Variants in CYP27B1 observed in about 807,000 individuals in gnomAD.
CYP27B1 encodes the protein cytochrome P450 family 27 subfamily B member 1.
In CYP27B1, 46 loss-of-function variants were observed where a neutral mutation model predicts 54.8. The ratio of observed to expected loss-of-function variants is 0.84; its 90% CI spans 0.66 to 1.07. The LOEUF (loss-of-function observed/expected upper bound fraction) is 1.07, where lower values mean the gene tolerates loss of function less well. Among genes scored for constraint, CYP27B1 ranks in the 50% least tolerant of loss-of-function variants. The pLI is 0.00. For missense variants in CYP27B1, 674 were observed against 692.2 expected (o/e 0.97, Z 0.30); for synonymous variants, 292 against 297.3 (o/e 0.98, Z 0.18).
rs1382628087 is a variant in CYP27B1 at position 57,762,917 on chromosome 12, G to C, written c.*225C>G. The stretch of plus-strand genomic sequence containing the variant: ...GGGGGATGCATACATGATCAGAAGG[G>C]CCAAGCAAGCAGAGAGACCATGGTT... On this transcript the variant is annotated 3_prime_UTR_variant, in exon 9 of 9. Transcript: ENST00000228606. The C allele has an allele frequency of 5.5e-6, 3 of 541,516 alleles. No homozygotes were observed. The highest frequency in any genetic ancestry group is 1.0e-5 in the Non-Finnish European group (3 of 293,106). 33.5% of individuals were successfully genotyped at this position (541,516 alleles called of 1,614,324 possible).
rs1490106961 is a variant in CYP27B1, at chr12:57,765,484, C to G, written c.402G>C (p.Trp134Cys). 2 of 1,611,226 alleles carry G rather than the reference C, an allele frequency of 1.2e-6. No individual in the cohort carries two copies. The highest frequency in any genetic ancestry group is 1.7e-6 in the Non-Finnish European group (2 of 1,178,984). ...GGGCCAGGAGACTGCGGAGCCTTTG[C>G]CATTCTTCGCCTTCCCTGCAGGGTT... Reference protein sequence around the residue: ...CGLLTAEGEEWQRLRSLLAPL... With the variant: ...CGLLTAEGEECQRLRSLLAPL... Residue 134 changes from tryptophan to cysteine, a missense_variant, in exon 3 of 9, where the codon TGG (tryptophan) becomes TGC (cysteine). Coordinates refer to ENST00000228606, the MANE Select transcript of CYP27B1 (RefSeq NM_000785.4). The surrounding 1 kb of genome is among the most constrained non-coding windows in gnomAD (Gnocchi z 5.8).
At chr12:57,766,678 T>C (rs1383974825) in intron 1 of CYP27B1, among the ~76,000 whole-genome samples, 169 bp downstream of exon 1, 1 of 152,232 alleles carries the variant, frequency 6.6e-6, no homozygotes, top group Non-Finnish European at 1.5e-5. Flanking sequence ...GGACGGGCTC[T>C]GCCCGAGTGT....
Position 57,766,217 on chromosome 12 carries a change from G to T in CYP27B1, c.196-20C>A. On this transcript the variant is annotated intron_variant, in intron 1 of 8. Transcript: ENST00000228606. ...CTGCACCTGGGGGAGCGGACACAGC[G>T]GACACTTGGATACCTGGGCGGGGAC... The T allele has an allele frequency of 6.6e-7, 1 of 1,523,072 alleles. No individual in the cohort carries two copies. The highest frequency in any genetic ancestry group is 1.7e-4 in the Middle Eastern group (1 of 5,916). The allele number at this position is 1,523,072 out of a possible 1,614,324, so 94.3% of individuals were successfully genotyped here.
At chr12:57,763,544 G>T (rs190694526) in intron 8 of CYP27B1, 67 bp downstream of exon 8, 1 of 1,376,702 alleles carries the variant, frequency 7.3e-7, no homozygotes, top group Admixed American at 1.7e-5. Flanking sequence ...TCAGGGGAAA[G>T]AGCTCACAAC....
At position 57,763,136 on chromosome 12, in the gene CYP27B1, A is replaced by G; in HGVS notation, c.*6T>C. 3 of 1,593,076 alleles carry G rather than the reference A, an allele frequency of 1.9e-6. No individual in the cohort carries two copies. The highest frequency in any genetic ancestry group is 2.2e-5 in the South Asian group (2 of 90,610). On this transcript the variant is annotated 3_prime_UTR_variant, in exon 9 of 9. Coordinates refer to ENST00000228606, the MANE Select transcript of CYP27B1 (RefSeq NM_000785.4). ...AGGGTGATGATGACAGTCTCTTTCC[A>G]TGGGACTATCTGTCCAAAAACTGTA...
intron 7 of CYP27B1, 143 bp from the exon 8 acceptor site, chr12:57,763,951 C>T (rs1955338368): frequency 2.8e-6 from 3 of 1,067,734 alleles, no homozygotes; most frequent in Non-Finnish European, 4.3e-6. Context: ...GATCTCCCCA[C>T]TGTTCCATTA....
rs1565812090 is a variant in CYP27B1, at chr12:57,766,927, C to T, written c.115G>A (p.Asp39Asn). The change falls in exon 1 of 9, where the codon GAC (aspartate) becomes AAC (asparagine). Residue 39 changes from aspartate (D) to asparagine (N), a missense_variant. Coordinates refer to ENST00000228606, the MANE Select transcript of CYP27B1 (RefSeq NM_000785.4). ...CTGGGCGTAGAGGGGCCTGGGATGT[C>T]TGCCAAGCTCCGGCGTGCTGAGTGG... ...EYHSARRSLADIPGPSTPSFL... is the reference protein window; with the variant it reads ...EYHSARRSLANIPGPSTPSFL... 2 of 1,614,200 alleles carry T rather than the reference C, an allele frequency of 1.2e-6. No homozygotes were observed. Among genetic ancestry groups the T allele is most frequent in the East Asian group, 2.2e-5 (1 of 44,880 alleles).
rs1955341474 is a variant in CYP27B1 at position 57,764,401 on chromosome 12, C to T, written c.1113G>A (p.Lys371=). Residue 371 remains lysine (K), a synonymous_variant, in exon 6 of 9, where the codon AAG becomes AAA. Transcript: ENST00000228606. The stretch of plus-strand genomic sequence containing the variant: ...ACCTTAGCACTTCCTTGACCACCGC[C>T]TTCAGCAGGGGCAGCTGGGACAGAA... ...ATVLSQLPLL[K]AVVKEVLRLY... is the part of the protein sequence containing the mutation. 1.2e-6 allele frequency: 2 copies of T among 1,614,078 alleles called. No homozygotes were observed. Among genetic ancestry groups the T allele is most frequent in the Non-Finnish European group, 1.7e-6 (2 of 1,180,054 alleles).
chr12:57,765,128 C>T lies in CYP27B1; in HGVS notation c.673G>A (p.Val225Met), dbSNP rs1332608089. The T allele has an allele frequency of 6.2e-7, 1 of 1,613,986 alleles. No individual in the cohort carries two copies. The highest frequency in any genetic ancestry group is 1.7e-5 in the Admixed American group (1 of 60,030). ...PPDTETFIRA[V>M]GSVFVSTLLT... is the part of the protein sequence containing the mutation. ...AGCGTGGACACAAACACCGAGCCCA[C>T]AGCGCGGATGAAGGTCTCCGTGTCG... Residue 225 changes from valine (V) to methionine (M), a missense_variant, in exon 4 of 9, where the codon GTG (valine) becomes ATG (methionine). Val to Met is a conservative substitution (Grantham distance 21). Coordinates refer to ENST00000228606, the MANE Select transcript of CYP27B1 (RefSeq NM_000785.4). The surrounding 1 kb of genome is among the most constrained non-coding windows in gnomAD (Gnocchi z 5.8).
rs757388190 is a variant in CYP27B1, at chr12:57,766,941, C to T, written c.101G>A (p.Arg34His). ...SLGYREYHSARRSLADIPGPS... is the reference protein window; with the variant it reads ...SLGYREYHSAHRSLADIPGPS... ...GCCTGGGATGTCTGCCAAGCTCCGG[C>T]GTGCTGAGTGGTACTCTCGGTAGCC... is the stretch of plus-strand genomic sequence containing the variant. Residue 34 changes from arginine to histidine, a missense_variant, in exon 1 of 9, where the codon CGC (arginine) becomes CAC (histidine). Arg to His is a conservative substitution (Grantham distance 29, BLOSUM62 0). Coordinates refer to ENST00000228606, the MANE Select transcript of CYP27B1 (RefSeq NM_000785.4). 1 of 1,614,172 alleles carries T rather than the reference C, an allele frequency of 6.2e-7. No individual in the cohort carries two copies. The highest frequency in any genetic ancestry group is 8.5e-7 in the Non-Finnish European group (1 of 1,180,032).
chr12:57,765,425 T>C lies in CYP27B1; in HGVS notation c.461A>G (p.Tyr154Cys), dbSNP rs574099143. The C allele has an allele frequency of 1.2e-6, 2 of 1,612,710 alleles. No individual in the cohort carries two copies. Among genetic ancestry groups the C allele is most frequent in the South Asian group, 2.2e-5 (2 of 90,798 alleles). The change falls in exon 3 of 9, where the codon TAC becomes TGC. Residue 154 changes from tyrosine (Y) to cysteine (C), a missense_variant. Transcript: ENST00000228606. The surrounding 1 kb of genome is among the most constrained non-coding windows in gnomAD (Gnocchi z 5.8). ...LLLRPQAAAR[Y>C]AGTLNNVVCD... Reference sequence around the variant, plus strand: ...GACTACGTTGTTCAGGGTTCCGGCGTAGCGGGCGGCCGCTTGAGGCCGGAG... The same window carrying C: ...GACTACGTTGTTCAGGGTTCCGGCGCAGCGGGCGGCCGCTTGAGGCCGGAG...
At position 57,766,217 on chromosome 12, in the gene CYP27B1, G is replaced by C; in HGVS notation, c.196-20C>G. On this transcript the variant is annotated intron_variant, in intron 1 of 8. Transcript: ENST00000228606. ...CTGCACCTGGGGGAGCGGACACAGC[G>C]GACACTTGGATACCTGGGCGGGGAC... The C allele has an allele frequency of 2.0e-6, 3 of 1,523,072 alleles. No homozygotes were observed. The highest frequency in any genetic ancestry group is 4.1e-5 in the Admixed American group (2 of 48,994). The allele number at this position is 1,523,072 out of a possible 1,614,324, so 94.3% of individuals were successfully genotyped here.
chr12:57,763,709 T>G lies in CYP27B1; in HGVS notation c.1315A>C (p.Thr439Pro). 1 of 1,314,930 alleles carries G rather than the reference T, an allele frequency of 7.6e-7. No homozygotes were observed. Among genetic ancestry groups the G allele is most frequent in the Non-Finnish European group, 1.1e-6 (1 of 910,468 alleles). 81.5% of individuals were successfully genotyped at this position (1,314,930 alleles called of 1,614,324 possible). The part of the protein sequence containing the change: ...RPARWLGEGP[T>P]PHPFASLPFG... The stretch of plus-strand genomic sequence containing the variant: ...GGAAGAGATGCAAATGGGTGGGGGG[T>G]GGGACCCTCCCCCAGCCAGCGAGCT... The change falls in exon 8 of 9, where the codon ACC (threonine) becomes CCC (proline). Residue 439 changes from threonine (T) to proline (P), a missense_variant. Physicochemically the swap from Thr to Pro is conservative, Grantham distance 38 (BLOSUM62 -1). Transcript: ENST00000228606.
At position 57,767,007 on chromosome 12, in the gene CYP27B1, A is replaced by G. The variant is rs1955368774; in HGVS notation, c.35T>C (p.Phe12Ser). The change falls in exon 1 of 9, where the codon TTC (phenylalanine) becomes TCC (serine). Residue 12 changes from phenylalanine to serine, a missense_variant. Coordinates refer to ENST00000228606, the MANE Select transcript of CYP27B1 (RefSeq NM_000785.4). ...CTCGGGCGCCCAGCGGACGCGATGGAACACTCTGGAGGCGTACTTGAGGGT... is the reference window on the plus strand; with the variant it reads ...CTCGGGCGCCCAGCGGACGCGATGGGACACTCTGGAGGCGTACTTGAGGGT... ...TQTLKYASRV[F>S]HRVRWAPELG... 6.2e-7 allele frequency: 1 copy of G among 1,614,160 alleles called. No individual in the cohort carries two copies. Among genetic ancestry groups the G allele is most frequent in the Non-Finnish European group, 8.5e-7 (1 of 1,180,026 alleles).
rs1955330047 is a variant in CYP27B1 at position 57,762,931 on chromosome 12, G to C, written c.*211C>G. 5.2e-6 allele frequency: 3 copies of C among 571,752 alleles called. No homozygotes were observed. The highest frequency in any genetic ancestry group is 4.9e-5 in the Admixed American group (2 of 40,406). The allele number at this position is 571,752 out of a possible 1,614,324, so 35.4% of individuals were successfully genotyped here. A position where few individuals can be genotyped will look rare whatever the true frequency, so the allele number is the denominator to read the frequency against. On this transcript the variant is annotated 3_prime_UTR_variant, in exon 9 of 9. Transcript: ENST00000228606. Reference sequence around the variant, plus strand: ...TGATCAGAAGGGCCAAGCAAGCAGAGAGACCATGGTTTTCTCACCTGGCTT... The same window carrying C: ...TGATCAGAAGGGCCAAGCAAGCAGACAGACCATGGTTTTCTCACCTGGCTT...
rs118204008 is a variant in CYP27B1 at position 57,763,798 on chromosome 12, G to A, written c.1226C>T (p.Thr409Ile). The A allele has an allele frequency of 9.9e-6, 16 of 1,614,046 alleles. No homozygotes were observed. The Admixed American group carries it at 1.7e-4, about 17-fold the overall frequency. ...DYIIPKNTLVTLCHYATSRDP... is the reference protein window; with the variant it reads ...DYIIPKNTLVILCHYATSRDP... ...CCTTGAAGTGGCATAGTGACACAGAGTGACCAGCGTCTGGTGCAAAGGAAA... is the reference window on the plus strand; with the variant it reads ...CCTTGAAGTGGCATAGTGACACAGAATGACCAGCGTCTGGTGCAAAGGAAA... The change falls in exon 8 of 9, where the codon ACT (threonine) becomes ATT (isoleucine). Residue 409 changes from threonine (T) to isoleucine (I), a missense_variant. Physicochemically the swap from Thr to Ile is moderately conservative, Grantham distance 89 (BLOSUM62 -1). Coordinates refer to ENST00000228606, the MANE Select transcript of CYP27B1 (RefSeq NM_000785.4).
At chr12:57,763,986 G>T in intron 7 of CYP27B1, 112 bp downstream of exon 7, 1 of 1,097,606 alleles carries the variant, frequency 9.1e-7, no homozygotes, top group Non-Finnish European at 1.4e-6. Flanking sequence ...ATATCCTAGA[G>T]AGGGGTCAAG....
Position 57,765,001 on chromosome 12 carries a change from T to C in CYP27B1, c.790+10A>G. 1.2e-6 allele frequency: 2 copies of C among 1,613,866 alleles called. No homozygotes were observed. Among genetic ancestry groups the C allele is most frequent in the South Asian group, 1.1e-5 (1 of 91,092 alleles). On this transcript the variant is annotated intron_variant, in intron 4 of 8. Transcript: ENST00000228606. This position sits in a 1 kb window ranked among gnomAD's most constrained non-coding sequence, Gnocchi z 5.8. ...ACATTCCCCCATTTCCACCTCGACC[T>C]GTGCCTTACCAAATGCAAACATCTG...
At chr12:57,764,672 T>C in intron 5 of CYP27B1, 82 bp downstream of exon 5, 1 of 1,599,472 alleles carries the variant, frequency 6.3e-7, no homozygotes. Flanking sequence ...CCATAATGGA[T>C]CCCCTGCAAC....
Sources: gnomAD v4.1 joint callset for allele counts (sites outside exome capture counted in the v4.1 genomes callset) on GRCh38, gnomAD v4.1.1 for gene constraint, Gnocchi (gnomAD v3.1) non-coding constraint, MANE v1.5 for transcripts, NCBI Gene and HGNC (gene_info 2026-07-23, HGNC 2026-07-21) for gene names.